Variants in GDAP1L1 observed in about 807,000 individuals in gnomAD.
GDAP1L1 encodes the protein ganglioside-induced differentiation-associated protein 1-like 1.
GDAP1L1 carries 21 observed loss-of-function variants against 37.1 expected under a neutral mutation model. The observed-to-expected ratio is 0.57, with a 90% CI of 0.40 to 0.81. The LOEUF (loss-of-function observed/expected upper bound fraction) is 0.81, where lower values mean the gene tolerates loss of function less well. Among genes scored for constraint, GDAP1L1 ranks in the 40% least tolerant of loss-of-function variants. GDAP1L1 has a pLI of 0.00. For synonymous variants in GDAP1L1, 193 were observed against 209.1 expected, an observed-to-expected ratio of 0.92 and a Z score of 0.67; for missense variants, 362 against 491.6, an observed-to-expected ratio of 0.74 and a Z score of 2.49.
chr20:44,271,593 T>G (rs2062516176), intron 5 of GDAP1L1, among the ~76,000 whole-genome samples: 1 of 152,094 alleles, frequency 6.6e-6, no homozygotes, highest in Non-Finnish European at 1.5e-5. Context: ...GCGGTGAGTG[T>G]AGATACCTCT....
intron 5 of GDAP1L1, among the ~76,000 whole-genome samples, chr20:44,272,486 A>G (rs2062528689): frequency 6.6e-6 from 1 of 152,158 alleles, no homozygotes; most frequent in South Asian, 2.1e-4. Context: ...AAGAAATATA[A>G]TAGGACCCTG....
At chr20:44,269,287 A>G (rs985443983) in intron 5 of GDAP1L1, among the ~76,000 whole-genome samples, 1 of 148,388 alleles carries the variant, frequency 6.7e-6, no homozygotes, top group Non-Finnish European at 1.5e-5. Flanking sequence ...GCAGTCTTAG[A>G]AAAAAAAAAC....
At chr20:44,273,483 C>T (rs2062541880) in intron 5 of GDAP1L1, among the ~76,000 whole-genome samples, 1 of 152,182 alleles carries the variant, frequency 6.6e-6, no homozygotes, top group East Asian at 1.9e-4. Context: ...AATCGCACCT[C>T]CCTCCGTACC....
intron 1 of GDAP1L1, among the ~76,000 whole-genome samples, chr20:44,255,719 G>C (rs2073527629): frequency 6.6e-6 from 1 of 152,110 alleles, no homozygotes. Context: ...GCTGTGGGTG[G>C]AGACATTGAT....
In GDAP1L1 at chr20:44,279,391, C is replaced by G. The variant is rs1283876838; in HGVS notation, c.*91C>G. ...TCAGTAACTCACTGTCTCATGAACA[C>G]TTGGACAGCCCTCCCCGCCCTTCGT... On this transcript the variant is annotated 3_prime_UTR_variant, in exon 6 of 6. Transcript: ENST00000342560. 2 of 829,694 alleles carry G rather than the reference C, an allele frequency of 2.4e-6. No homozygotes were observed. Among genetic ancestry groups the G allele is most frequent in the African/African-American group, 1.7e-5 (1 of 59,716 alleles). The allele number at this position is 829,694 out of a possible 1,614,324, so 51.4% of individuals were successfully genotyped here.
chr20:44,267,074 C>T (rs1335508289), intron 5 of GDAP1L1, among the ~76,000 whole-genome samples: 1 of 152,234 alleles, frequency 6.6e-6, no homozygotes, highest in African/African-American at 2.4e-5. Flanking sequence ...GACAAGCTTG[C>T]TCTAGAGCTT....
At chr20:44,274,154 T>C (rs529345559) in intron 5 of GDAP1L1, among the ~76,000 whole-genome samples, 2 of 152,188 alleles carry the variant, frequency 1.3e-5, no homozygotes, top group Non-Finnish European at 2.9e-5. Context: ...TGTCCAAGGA[T>C]GGAAGGGATT....
rs565125227 is a variant in GDAP1L1, at chr20:44,271,477, C to T, written c.760+6918C>T. Among the ~76,000 whole-genome samples, 40 of 152,276 alleles carry T rather than the reference C, an allele frequency of 2.6e-4. No individual in the cohort carries two copies. The South Asian group carries it at 5.6e-3, about 21-fold the overall frequency. ...GATAAGAAAGTGTGCCCTCGGCTTT[C>T]TACCATGGATGTCAGCGGTGACCTC... On this transcript the variant is annotated intron_variant, in intron 5 of 5. Transcript: ENST00000342560.
chr20:44,265,502 AG>A (rs1336967903), intron 5 of GDAP1L1: 2 of 984,074 alleles, frequency 2.0e-6, no homozygotes, highest in Non-Finnish European at 2.4e-6. Flanking sequence ...CGTAGAGCCC[AG>A]GGTCTAAACA....
intron 2 of GDAP1L1, 135 bp downstream of exon 2, chr20:44,257,480 C>A: frequency 1.1e-6 from 1 of 907,998 alleles, no homozygotes; most frequent in Non-Finnish European, 1.6e-6. Flanking sequence ...CCAGTCTCCC[C>A]AAAAAGGAGC....
chr20:44,278,928 C>A (rs1384305032), intron 5 of GDAP1L1, 29 bp from the exon 6 acceptor site: 3 of 1,441,864 alleles, frequency 2.1e-6, no homozygotes, highest in Middle Eastern at 4.2e-4. Flanking sequence ...GGAGGCTGAT[C>A]CCCTTGCCTC....
Position 44,279,744 on chromosome 20 carries a change from G to A in GDAP1L1, c.*444G>A, listed in dbSNP as rs8121845. ...GGGAACTCTTCCACAGGACAAAGCC[G>A]ACATCAAGACTCAACTCCTCTAACC... On this transcript the variant is annotated 3_prime_UTR_variant, in exon 6 of 6. Coordinates refer to ENST00000342560, the MANE Select transcript of GDAP1L1 (RefSeq NM_024034.6). 1.0e-4 allele frequency: 49 copies of A among 472,390 alleles called. No homozygotes were observed. The highest frequency in any genetic ancestry group is 1.6e-4 in the Admixed American group (7 of 42,572). The allele number at this position is 472,390 out of a possible 1,614,324, so 29.3% of individuals were successfully genotyped here.
intron 1 of GDAP1L1, among the ~76,000 whole-genome samples, chr20:44,251,069 A>G (rs1001550472): frequency 4.6e-5 from 7 of 152,108 alleles, no homozygotes; most frequent in African/African-American, 1.7e-4. Context: ...CAAGACTGCT[A>G]CTTCCTAGCT....
rs140891670 is a variant in GDAP1L1 at position 44,264,549 on chromosome 20, G to A, written c.750G>A (p.Leu250=). The change falls in exon 5 of 6, where the codon CTG becomes CTA. Residue 250 remains leucine, a synonymous_variant. Transcript: ENST00000342560. ...AGGCGGAGCTGGAGAAGAGGAAGCT[G>A]GAGAACGAGGGTGGGTGCCAGCCCT... ...QIEAELEKRK[L]ENEGQKCELW... is the part of the protein sequence containing the mutation. 3.1e-6 allele frequency: 5 copies of A among 1,610,040 alleles called. No individual in the cohort carries two copies. In the African/African-American group the frequency reaches 5.3e-5, roughly 17 times the overall value.
chr20:44,264,681 G>T, intron 5 of GDAP1L1, 122 bp downstream of exon 5: 1 of 1,499,682 alleles, frequency 6.7e-7, no homozygotes, highest in Non-Finnish European at 9.0e-7. Context: ...TTAAGAGGAT[G>T]GGCTATGGAG....
At chr20:44,261,622 G>A (rs763465822) in intron 3 of GDAP1L1, among the ~76,000 whole-genome samples, 9 of 152,162 alleles carry the variant, frequency 5.9e-5, no homozygotes, top group Non-Finnish European at 8.8e-5. Flanking sequence ...TGATAACTAC[G>A]TTAGCACCAA....
At chr20:44,270,369 A>G (rs1381128977) in intron 5 of GDAP1L1, among the ~76,000 whole-genome samples, 5 of 151,512 alleles carry the variant, frequency 3.3e-5, no homozygotes, top group African/African-American at 1.2e-4. Context: ...ACGGGGTTTC[A>G]CCGTTTTAGC....
At chr20:44,254,294 C>G (rs2073498754) in intron 1 of GDAP1L1, among the ~76,000 whole-genome samples, 1 of 152,172 alleles carries the variant, frequency 6.6e-6, no homozygotes, top group African/African-American at 2.4e-5. Context: ...TACTCATACA[C>G]TCTTCCATGC....
At chr20:44,267,381 A>C (rs563663473) in intron 5 of GDAP1L1, among the ~76,000 whole-genome samples, 1 of 152,288 alleles carries the variant, frequency 6.6e-6, no homozygotes, top group East Asian at 1.9e-4. Context: ...AGGCTGAGGC[A>C]GGTGGATCAC....
Sources: allele counts gnomAD v4.1 joint callset (sites outside exome capture counted in the v4.1 genomes callset), GRCh38; gene constraint gnomAD v4.1.1; transcripts MANE v1.5; gene names NCBI Gene and HGNC (gene_info 2026-07-23, HGNC 2026-07-21).